The following NKTR variants were observed in gnomAD, a reference collection of about 807,000 sequenced individuals.
The protein encoded by NKTR is natural killer cell triggering receptor, also known as NK-tumor recognition protein.
In NKTR, 67 loss-of-function variants were observed where a neutral mutation model predicts 156.3. The ratio of observed to expected loss-of-function variants is 0.43; its 90% CI spans 0.35 to 0.53. NKTR has a LOEUF of 0.53. Ranked by LOEUF, NKTR falls within the 20% of genes least tolerant of loss-of-function variation. NKTR has a pLI of 0.01. For synonymous variants in NKTR, 640 were observed against 596.6 expected (o/e 1.07, Z -1.06); for missense variants, 1,604 against 1,730.9 (o/e 0.93, Z 1.30).
chr3:42,614,472 C>G (rs1050524088), intron 2 of NKTR, among the ~76,000 whole-genome samples: 2 of 149,808 alleles, frequency 1.3e-5, no homozygotes, highest in African/African-American at 4.9e-5. Context: ...AGAATATTGT[C>G]TATTTTGAGT....
intron 2 of NKTR, among the ~76,000 whole-genome samples, chr3:42,608,020 C>CTTTTTTTTTTTTT (rs1188107179): frequency 1.8e-4 from 14 of 79,974 alleles, no homozygotes; most frequent in Admixed American, 6.5e-4. Flanking sequence ...TTTGAGTTTC[C>CTTTTTTTTTTTTT]TTCTTGTCAC....
chr3:42,620,290 TTGAA>T, intron 5 of NKTR: 1 of 1,220,266 alleles, frequency 8.2e-7, no homozygotes, highest in Non-Finnish European at 1.0e-6. Context: ...AGCAATTTCT[TTGAA>T]TAAAAGTTGA....
At position 42,632,694 on chromosome 3, in the gene NKTR, A is replaced by G; in HGVS notation, c.644A>G (p.Glu215Gly). ...SSSSESSSES[E>G]LEHERSRRRK... Reference sequence around the variant, plus strand: ...TCTTCAGAATCATCTTCAGAAAGTGAACTTGAACATGAGAGAAGCAGAAGG... The same window carrying G: ...TCTTCAGAATCATCTTCAGAAAGTGGACTTGAACATGAGAGAAGCAGAAGG... Residue 215 changes from glutamate to glycine, a missense_variant, in exon 9 of 17, where the codon GAA (glutamate) becomes GGA (glycine). By Grantham distance (98) the Glu-to-Gly change is moderately conservative (BLOSUM62 -2). Coordinates refer to ENST00000232978, the MANE Select transcript of NKTR (RefSeq NM_005385.4). 1 of 1,613,886 alleles carries G rather than the reference A, an allele frequency of 6.2e-7. No individual in the cohort carries two copies. Among genetic ancestry groups the G allele is most frequent in the Non-Finnish European group, 8.5e-7 (1 of 1,179,814 alleles).
intron 13 of NKTR, among the ~76,000 whole-genome samples, chr3:42,640,550 G>A (rs921945145): frequency 6.6e-6 from 1 of 152,010 alleles, no homozygotes; most frequent in Non-Finnish European, 1.5e-5. Flanking sequence ...AATCTTTGAC[G>A]TTTGTTTCCT....
chr3:42,633,927 C>G (rs904948043), intron 10 of NKTR, among the ~76,000 whole-genome samples, 192 bp downstream of exon 10: 2 of 152,152 alleles, frequency 1.3e-5, no homozygotes, highest in African/African-American at 4.8e-5. Flanking sequence ...GATATGTACC[C>G]TACCTTTCAG....
intron 15 of NKTR, 28 bp from the exon 16 acceptor site, chr3:42,643,874 T>G (rs115455246): frequency 2.2e-5 from 34 of 1,532,696 alleles, no homozygotes; most frequent in Non-Finnish European, 3.0e-5. Context: ...GTGGGAAAAT[T>G]TAGTGTTTGT....
intron 16 of NKTR, among the ~76,000 whole-genome samples, chr3:42,645,547 G>C (rs993231207): frequency 2.6e-5 from 4 of 152,124 alleles, no homozygotes; most frequent in Non-Finnish European, 1.5e-5. Flanking sequence ...AGCTGGGCGT[G>C]GTGGCGGGCA....
intron 2 of NKTR, among the ~76,000 whole-genome samples, chr3:42,604,532 T>TGGCTATTA (rs1220902475): frequency 6.6e-6 from 1 of 152,054 alleles, no homozygotes; most frequent in Non-Finnish European, 1.5e-5. Flanking sequence ...CAAATCCAGT[T>TGGCTATTA]GGCTATTAGT....
intron 2 of NKTR, among the ~76,000 whole-genome samples, chr3:42,616,940 A>T (rs1280478010): frequency 6.6e-6 from 1 of 152,072 alleles, no homozygotes; most frequent in Non-Finnish European, 1.5e-5. Context: ...TTTTTTGTAG[A>T]GACAGGGGTC....
chr3:42,643,207 A>C, intron 14 of NKTR, 132 bp from the exon 15 acceptor site: 1 of 710,470 alleles, frequency 1.4e-6, no homozygotes, highest in South Asian at 2.0e-5. Context: ...TTTTGATATG[A>C]AAACAAAACA....
chr3:42,601,037 T>G lies in NKTR; in HGVS notation c.31T>G (p.Phe11Val), dbSNP rs935895346. The G allele has an allele frequency of 6.3e-7, 1 of 1,582,892 alleles. No individual in the cohort carries two copies. The highest frequency in any genetic ancestry group is 1.8e-5 in the Admixed American group (1 of 56,120). Residue 11 changes from phenylalanine to valine, a missense_variant, in exon 2 of 17, where the codon TTC becomes GTC. By Grantham distance (50) the Phe-to-Val change is conservative. Coordinates refer to ENST00000232978, the MANE Select transcript of NKTR (RefSeq NM_005385.4). ...GGCGCAGGACCGGCCGCAGTGCCAC[T>G]TCGACATCGAGATCAACCGGGAGCC... MGAQDRPQCH[F>V]DIEINREPVG...
chr3:42,643,091 T>TCCAC (rs1710033892), intron 14 of NKTR, among the ~76,000 whole-genome samples: 1 of 152,102 alleles, frequency 6.6e-6, no homozygotes, highest in Admixed American at 6.6e-5. Flanking sequence ...TTCCCCTAAC[T>TCCAC]CCACCCAGTT....
chr3:42,646,141 T>A lies in NKTR; in HGVS notation c.*166T>A. The A allele has an allele frequency of 4.2e-6, 2 of 472,936 alleles. No homozygotes were observed. The highest frequency in any genetic ancestry group is 7.8e-6 in the Non-Finnish European group (2 of 257,310). The allele number at this position is 472,936 out of a possible 1,614,324, so 29.3% of individuals were successfully genotyped here. On this transcript the variant is annotated 3_prime_UTR_variant, in exon 17 of 17. Transcript: ENST00000232978. The stretch of plus-strand genomic sequence containing the variant: ...TACATGTGGGGAGAAGAATTTAAAA[T>A]ACAGATATGTCTCCTAAAAATATTT...
chr3:42,639,058 AGTGGAAGAT>A lies in NKTR; in HGVS notation c.3358_3366del (p.Glu1120_Val1122del), dbSNP rs1204056508. 1.2e-5 allele frequency: 19 copies of A among 1,614,042 alleles called. No individual in the cohort carries two copies. Among genetic ancestry groups the A allele is most frequent in the Non-Finnish European group, 1.6e-5 (19 of 1,179,994 alleles). ...ACGTTGAAGAAAGTGTTCCCAATGG[AGTGGAAGAT>A]GTGCTTCAAACAGATGACAACATGG... On this transcript the variant is annotated inframe_deletion, in exon 13 of 17. Transcript: ENST00000232978.
chr3:42,604,808 C>T (rs2125758152), intron 2 of NKTR, among the ~76,000 whole-genome samples: 1 of 151,396 alleles, frequency 6.6e-6, no homozygotes, highest in Admixed American at 6.6e-5. Context: ...CGTGCCTCTG[C>T]CTCCCCAGTA....
At chr3:42,640,274 T>G (rs1401333799) in intron 13 of NKTR, among the ~76,000 whole-genome samples, 1 of 152,218 alleles carries the variant, frequency 6.6e-6, no homozygotes, top group Non-Finnish European at 1.5e-5. Context: ...TTAAAACACC[T>G]TTTTCTCATC....
intron 12 of NKTR, among the ~76,000 whole-genome samples, chr3:42,635,987 T>C (rs1577558318): frequency 2.0e-5 from 3 of 152,210 alleles, no homozygotes; most frequent in East Asian, 3.8e-4. Context: ...GATGAGTTCA[T>C]TGGTAAATAG....
At chr3:42,606,383 AT>A (rs577989691) in intron 2 of NKTR, among the ~76,000 whole-genome samples, 23 of 150,120 alleles carry the variant, frequency 1.5e-4, no homozygotes, top group East Asian at 3.9e-4. Context: ...ACAGTATCTG[AT>A]TTTTTTTTTA....
At chr3:42,605,139 T>C (rs1706113226) in intron 2 of NKTR, among the ~76,000 whole-genome samples, 1 of 152,238 alleles carries the variant, frequency 6.6e-6, no homozygotes, top group Non-Finnish European at 1.5e-5. Flanking sequence ...TTCCTGGCTC[T>C]GAAGTTTCCT....
Sources: gnomAD v4.1 joint callset for allele counts (sites outside exome capture counted in the v4.1 genomes callset) on GRCh38, gnomAD v4.1.1 for gene constraint, MANE v1.5 for transcripts, NCBI Gene and HGNC (gene_info 2026-07-23, HGNC 2026-07-21) for gene names.